Variants in SIM2 observed in about 807,000 individuals in gnomAD.
SIM2 encodes the protein SIM bHLH transcription factor 2.
Under a neutral mutation model 64.8 loss-of-function variants are expected in SIM2, and 28 were observed. The ratio of observed to expected loss-of-function variants is 0.43; its 90% CI spans 0.32 to 0.59. SIM2 has a LOEUF of 0.59. Among genes scored for constraint, SIM2 ranks in the 20% least tolerant of loss-of-function variants. SIM2 has a pLI of 0.07. For synonymous variants in SIM2, 408 were observed against 391.1 expected (o/e 1.04, Z -0.51); for missense variants, 847 against 871.4 (o/e 0.97, Z 0.35).
At chr21:36,717,739 C>T (rs1433089469) in intron 3 of SIM2, among the ~76,000 whole-genome samples, 3 of 152,166 alleles carry the variant, frequency 2.0e-5, no homozygotes, top group Non-Finnish European at 4.4e-5. Context: ...TAAGCCAACT[C>T]TCTTAGTTTT....
intron 3 of SIM2, among the ~76,000 whole-genome samples, chr21:36,719,569 T>G (rs1425188006): frequency 6.6e-6 from 1 of 152,240 alleles, no homozygotes; most frequent in Non-Finnish European, 1.5e-5. Flanking sequence ...TGGTCCTTCC[T>G]GCTAAGGGTT....
chr21:36,706,159 T>A (rs1450132758), intron 1 of SIM2, among the ~76,000 whole-genome samples: 2 of 152,194 alleles, frequency 1.3e-5, no homozygotes, highest in African/African-American at 4.8e-5. Flanking sequence ...TTGGAGGCCG[T>A]GCAGTGTGAG....
At chr21:36,718,624 C>T (rs1856957512) in intron 3 of SIM2, among the ~76,000 whole-genome samples, 3 of 152,238 alleles carry the variant, frequency 2.0e-5, no homozygotes, top group African/African-American at 7.2e-5. Context: ...TGAGTTTCTT[C>T]TCAGGCTGGG....
At chr21:36,731,818 G>A (rs1269459883) in intron 7 of SIM2, among the ~76,000 whole-genome samples, 1 of 152,162 alleles carries the variant, frequency 6.6e-6, no homozygotes, top group Non-Finnish European at 1.5e-5. Flanking sequence ...AGGATATAGA[G>A]GCGGATGCTC....
chr21:36,730,189 T>C (rs138003348), intron 6 of SIM2, among the ~76,000 whole-genome samples: 116 of 152,348 alleles, frequency 7.6e-4, no homozygotes, highest in African/African-American at 2.5e-3. Context: ...AACAGAGGTT[T>C]AAACACTCGC....
intron 1 of SIM2, chr21:36,701,563 C>T (rs562906821): frequency 6.6e-6 from 1 of 152,446 alleles, no homozygotes; most frequent in East Asian, 1.9e-4. Context: ...ACCGCGCGGC[C>T]GCGGGGCGCT....
At chr21:36,730,132 G>A (rs934019155) in intron 6 of SIM2, among the ~76,000 whole-genome samples, 29 of 152,264 alleles carry the variant, frequency 1.9e-4, no homozygotes, top group African/African-American at 5.8e-4. Context: ...ATCACCCAGC[G>A]GCAGCATCCT....
chr21:36,715,421 C>T (rs2088734111), intron 3 of SIM2, among the ~76,000 whole-genome samples: 1 of 151,964 alleles, frequency 6.6e-6, no homozygotes, highest in Admixed American at 6.6e-5. Context: ...AGCATGAGAC[C>T]TTTATTAAAA....
At position 36,745,774 on chromosome 21, in the gene SIM2, T is replaced by A; in HGVS notation, c.1576+638T>A. On this transcript the variant is annotated intron_variant, in intron 10 of 10. Transcript: ENST00000290399. This position sits in a 1 kb window ranked among gnomAD's most constrained non-coding sequence, Gnocchi z 4.8. ...CTAGTTCAACAGAAAGGAATGGCCT[T>A]TCACCTTCTCCTGGTGGCAGGCAAG... The A allele has an allele frequency of 2.3e-6, 3 of 1,303,094 alleles. No individual in the cohort carries two copies. Among genetic ancestry groups the A allele is most frequent in the Non-Finnish European group, 3.0e-6 (3 of 988,134 alleles). 80.7% of individuals were successfully genotyped at this position (1,303,094 alleles called of 1,614,324 possible).
intron 3 of SIM2, among the ~76,000 whole-genome samples, chr21:36,713,341 A>G (rs2123436599): frequency 6.6e-6 from 1 of 152,332 alleles, no homozygotes; most frequent in South Asian, 2.1e-4. Context: ...TGGCAAGCCA[A>G]GGGTTTGATG....
At chr21:36,743,717 C>T (rs2089193554) in intron 9 of SIM2, among the ~76,000 whole-genome samples, 162 bp downstream of exon 9, 1 of 152,140 alleles carries the variant, frequency 6.6e-6, no homozygotes, top group Admixed American at 6.5e-5. Flanking sequence ...GTAGTGACAG[C>T]CCGGGGAAGG....
intron 6 of SIM2, among the ~76,000 whole-genome samples, chr21:36,727,803 T>G (rs1311685444): frequency 1.3e-5 from 2 of 152,170 alleles, no homozygotes; most frequent in African/African-American, 2.4e-5. Context: ...AAAGTTGTGG[T>G]AAAATACACA....
chr21:36,744,595 C>T (rs1472434276), intron 9 of SIM2, 133 bp from the exon 10 acceptor site: 9 of 1,111,650 alleles, frequency 8.1e-6, no homozygotes, highest in Non-Finnish European at 6.2e-6. Context: ...CCCAGTGGGA[C>T]CTTGCAGTGG....
intron 1 of SIM2, among the ~76,000 whole-genome samples, chr21:36,705,976 C>A (rs1333582908): frequency 6.6e-6 from 1 of 152,192 alleles, no homozygotes; most frequent in Admixed American, 6.5e-5. Context: ...AAGCTGGCTG[C>A]CTCCTTTACG....
chr21:36,743,113 G>C (rs2089184448), intron 8 of SIM2, among the ~76,000 whole-genome samples: 1 of 152,182 alleles, frequency 6.6e-6, no homozygotes, highest in African/African-American at 2.4e-5. Flanking sequence ...CTTTCCTCAT[G>C]GCCCACGACC....
intron 1 of SIM2, among the ~76,000 whole-genome samples, chr21:36,708,345 G>T (rs2123424340): frequency 6.6e-6 from 1 of 152,354 alleles, no homozygotes; most frequent in Middle Eastern, 3.4e-3. Flanking sequence ...GAGTCCTGAC[G>T]GGCAGGTCCC....
chr21:36,745,863 T>C lies in SIM2; in HGVS notation c.1576+727T>C. 2 of 1,303,162 alleles carry C rather than the reference T, an allele frequency of 1.5e-6. No homozygotes were observed. The highest frequency in any genetic ancestry group is 2.0e-6 in the Non-Finnish European group (2 of 988,196). 80.7% of individuals were successfully genotyped at this position (1,303,162 alleles called of 1,614,324 possible). A position where few individuals can be genotyped will look rare whatever the true frequency, so the allele number is the denominator to read the frequency against. On this transcript the variant is annotated intron_variant, in intron 10 of 10. Transcript: ENST00000290399. This position sits in a 1 kb window ranked among gnomAD's most constrained non-coding sequence, Gnocchi z 4.8. ...CGCAGACTGACTCCTGTTTGCTCGCTGGACCAACCCCAGGCAGAAGGTGGA... is the reference window on the plus strand; with the variant it reads ...CGCAGACTGACTCCTGTTTGCTCGCCGGACCAACCCCAGGCAGAAGGTGGA...
intron 3 of SIM2, among the ~76,000 whole-genome samples, chr21:36,718,848 T>G (rs933935154): frequency 1.3e-5 from 2 of 152,174 alleles, no homozygotes; most frequent in Non-Finnish European, 2.9e-5. Flanking sequence ...TTAAGGTGGG[T>G]GGGGGCCCAG....
chr21:36,731,329 C>T (rs2250702), intron 7 of SIM2, among the ~76,000 whole-genome samples, 178 bp downstream of exon 7: 37,905 of 151,100 alleles, frequency 0.25, 5,058 homozygotes, highest in East Asian at 0.34. Flanking sequence ...TGCCTGTTGT[C>T]GGTTCTCAAG....
Sources: allele counts gnomAD v4.1 joint callset (sites outside exome capture counted in the v4.1 genomes callset), GRCh38; gene constraint gnomAD v4.1.1; non-coding constraint Gnocchi (gnomAD v3.1); transcripts MANE v1.5; gene names NCBI Gene and HGNC (gene_info 2026-07-23, HGNC 2026-07-21).